The following FILIP1 variants were observed in gnomAD, a reference collection of about 807,000 sequenced individuals.
FILIP1 encodes filamin-A-interacting protein 1.
FILIP1 carries 61 observed loss-of-function variants against 102.1 expected under a neutral mutation model. The ratio of observed to expected loss-of-function variants is 0.60; its 90% CI spans 0.49 to 0.74. The LOEUF (loss-of-function observed/expected upper bound fraction) is 0.74, where lower values mean the gene tolerates loss of function less well. Ranked by LOEUF, FILIP1 falls within the 30% of genes least tolerant of loss-of-function variation. The pLI, the probability that FILIP1 is intolerant of heterozygous loss-of-function variation, is 0.00. For synonymous variants in FILIP1, 491 were observed against 526.9 expected, an observed-to-expected ratio of 0.93 and a Z score of 0.93; for missense variants, 1,314 against 1,441.2, an observed-to-expected ratio of 0.91 and a Z score of 1.43.
intron 1 of FILIP1, among the ~76,000 whole-genome samples, chr6:75,420,351 C>T (rs1224894132): frequency 6.6e-6 from 1 of 150,544 alleles, no homozygotes; most frequent in Non-Finnish European, 1.5e-5. Context: ...AATAAGAAAT[C>T]TTTTAAAATT....
chr6:75,309,959 T>C lies in FILIP1; in HGVS notation c.3436-1062A>G, dbSNP rs576091289. On this transcript the variant is annotated intron_variant, in intron 5 of 5. Transcript: ENST00000237172. ...ACATGTTTCTAAAACATAAACAGTA[T>C]GTTTTTCTCATGATCATCACCCTTT... Among the ~76,000 whole-genome samples, 12 of 152,372 alleles carry C rather than the reference T, an allele frequency of 7.9e-5. No individual in the cohort carries two copies. In the South Asian group the frequency reaches 2.1e-3, roughly 26 times the overall value.
At chr6:75,462,224 T>C (rs1214896985) in intron 1 of FILIP1, among the ~76,000 whole-genome samples, 2 of 152,182 alleles carry the variant, frequency 1.3e-5, no homozygotes, top group African/African-American at 4.8e-5. Flanking sequence ...GGATTTTAAA[T>C]ATTTAACAAC....
intron 4 of FILIP1, among the ~76,000 whole-genome samples, chr6:75,317,743 C>T (rs529594338): frequency 2.6e-5 from 4 of 152,290 alleles, no homozygotes; most frequent in African/African-American, 9.6e-5. Context: ...TTCTCTTTCA[C>T]CACATCTTAA....
chr6:75,304,549 CAT>C (rs1772927951), downstream of FILIP1, among the ~76,000 whole-genome samples: 1 of 152,008 alleles, frequency 6.6e-6, no homozygotes, highest in South Asian at 2.1e-4. Flanking sequence ...CTGCAAAACA[CAT>C]AAATATATAA....
intron 1 of FILIP1, among the ~76,000 whole-genome samples, chr6:75,417,532 T>C (rs892947876): frequency 6.6e-6 from 1 of 152,210 alleles, no homozygotes; most frequent in Non-Finnish European, 1.5e-5. Flanking sequence ...CAAGCAATAA[T>C]GGACTTGCAT....
At chr6:75,483,949 C>T (rs1449984943) in intron 1 of FILIP1, among the ~76,000 whole-genome samples, 1 of 152,050 alleles carries the variant, frequency 6.6e-6, no homozygotes, top group East Asian at 1.9e-4. Flanking sequence ...GTGTATCTGC[C>T]TTATGAAACT....
chr6:75,418,335 T>C (rs1777339825), intron 1 of FILIP1, among the ~76,000 whole-genome samples: 1 of 152,214 alleles, frequency 6.6e-6, no homozygotes, highest in African/African-American at 2.4e-5. Flanking sequence ...TACTCAGCAA[T>C]AATATGTTTT....
At chr6:75,373,162 T>G (rs2149629873) in intron 2 of FILIP1, among the ~76,000 whole-genome samples, 1 of 152,332 alleles carries the variant, frequency 6.6e-6, no homozygotes, top group Admixed American at 6.5e-5. Flanking sequence ...GATGTTATAC[T>G]AAGTATAACA....
chr6:75,451,264 T>C (rs1159895222), intron 1 of FILIP1, among the ~76,000 whole-genome samples: 1 of 148,386 alleles, frequency 6.7e-6, no homozygotes, highest in Non-Finnish European at 1.5e-5. Context: ...ATTATACATA[T>C]ATGTATATGT....
downstream of FILIP1, among the ~76,000 whole-genome samples, chr6:75,306,249 T>A (rs1772982100): frequency 1.3e-5 from 2 of 152,196 alleles, no homozygotes; most frequent in Non-Finnish European, 2.9e-5. Flanking sequence ...TCTATTCCAA[T>A]ATCTAGATGT....
intron 4 of FILIP1, among the ~76,000 whole-genome samples, chr6:75,321,712 T>A (rs1454853055): frequency 1.3e-5 from 2 of 151,438 alleles, no homozygotes; most frequent in Non-Finnish European, 2.9e-5. Flanking sequence ...GAGAATGGCG[T>A]GAACCCGGGA....
chr6:75,463,420 G>A (rs878890059), intron 1 of FILIP1, among the ~76,000 whole-genome samples: 2 of 152,146 alleles, frequency 1.3e-5, no homozygotes, highest in Admixed American at 1.3e-4. Context: ...AAAATAACTA[G>A]CTAATTATGC....
chr6:75,417,093 T>C (rs1777295456), intron 1 of FILIP1, among the ~76,000 whole-genome samples: 1 of 152,162 alleles, frequency 6.6e-6, no homozygotes, highest in Admixed American at 6.5e-5. Context: ...ATGTAATTAT[T>C]TTATATCATT....
downstream of FILIP1, among the ~76,000 whole-genome samples, chr6:75,307,737 C>T (rs1465386467): frequency 1.3e-5 from 2 of 152,208 alleles, no homozygotes; most frequent in African/African-American, 4.8e-5. Flanking sequence ...CACACATACA[C>T]ACCCAAATCA....
At position 75,471,379 on chromosome 6, in the gene FILIP1, A is replaced by G. The variant is rs1779324861; in HGVS notation, c.-7+22035T>C. 2.6e-5 allele frequency among the ~76,000 whole-genome samples: 4 copies of G among 152,244 alleles called. No homozygotes were observed. In the South Asian group the frequency reaches 8.3e-4, roughly 32 times the overall value. ...AAATAGACCAATAGTATAAACTGGT[A>G]ACTCACAGAAGAACTAATAAAAATA... On this transcript the variant is annotated intron_variant, in intron 1 of 5. Transcript: ENST00000237172.
chr6:75,369,219 G>A (rs1195999257), intron 2 of FILIP1, among the ~76,000 whole-genome samples: 2 of 152,122 alleles, frequency 1.3e-5, no homozygotes, highest in Non-Finnish European at 2.9e-5. Flanking sequence ...GAGGATCCCT[G>A]AAGACTGCTG....
chr6:75,492,512 A>G (rs927765004), intron 1 of FILIP1, among the ~76,000 whole-genome samples: 3 of 152,194 alleles, frequency 2.0e-5, no homozygotes, highest in South Asian at 2.1e-4. Context: ...AATACTAACT[A>G]TATCAACAAT....
chr6:75,402,480 G>T (rs879507791), intron 2 of FILIP1, among the ~76,000 whole-genome samples: 5 of 152,274 alleles, frequency 3.3e-5, no homozygotes, highest in Middle Eastern at 3.4e-3. Context: ...TAAAAATGGA[G>T]CATATTAAGT....
chr6:75,340,861 A>AT lies in FILIP1; in HGVS notation c.629+12677dup, dbSNP rs59666589. On this transcript the variant is annotated intron_variant, in intron 4 of 5. Coordinates refer to ENST00000237172, the MANE Select transcript of FILIP1 (RefSeq NM_015687.5). ...TAGGCGCACACCACAATGCTCAGGA[A>AT]TTTTTTTTTTTTTTTTTTTTTTTGT... Among the ~76,000 whole-genome samples the AT allele has an allele frequency of 7.0e-3, 659 of 94,288 alleles. 4 individuals are homozygous for AT. The highest frequency in any genetic ancestry group is 9.4e-3 in the Non-Finnish European group (468 of 49,856). The allele number at this position is 94,288 out of a possible 152,430, so 61.9% of individuals were successfully genotyped here. A position where few individuals can be genotyped will look rare whatever the true frequency, so the allele number is the denominator to read the frequency against.
Sources: allele counts gnomAD v4.1 joint callset (sites outside exome capture counted in the v4.1 genomes callset), GRCh38; gene constraint gnomAD v4.1.1; transcripts MANE v1.5; gene names NCBI Gene and HGNC (gene_info 2026-07-23, HGNC 2026-07-21).